The following LPA variants were observed in gnomAD, a reference collection of about 807,000 sequenced individuals.
LPA encodes apolipoprotein(a).
A neutral mutation model predicts 197.9 loss-of-function variants in LPA; 199 were observed. That is an observed-to-expected ratio of 1.01 (90% CI 0.90 to 1.13). LPA has a LOEUF of 1.13. Among genes scored for constraint, LPA ranks in the 50% most tolerant of loss-of-function variants. The pLI, the probability that LPA is intolerant of heterozygous loss-of-function variation, is 0.00. For missense variants in LPA, 1,853 were observed against 1,785.8 expected (o/e 1.04, Z -0.68); for synonymous variants, 715 against 639.5 (o/e 1.12, Z -1.78).
intron 2 of LPA, among the ~76,000 whole-genome samples, chr6:160,647,646 A>T (rs752233093): frequency 2.0e-5 from 3 of 152,128 alleles, no homozygotes; most frequent in Non-Finnish European, 4.4e-5. Flanking sequence ...TTGCTCTAGG[A>T]TTTGCAATAT....
intron 32 of LPA, among the ~76,000 whole-genome samples, chr6:160,547,518 G>C (rs1023516995): frequency 2.6e-5 from 4 of 152,136 alleles, no homozygotes; most frequent in African/African-American, 4.8e-5. Flanking sequence ...ACCAGTACCA[G>C]TACTGGAGTG....
At chr6:160,601,857 C>A (rs1779247899) in intron 18 of LPA, among the ~76,000 whole-genome samples, 1 of 152,094 alleles carries the variant, frequency 6.6e-6, no homozygotes, top group African/African-American at 2.4e-5. Context: ...AATTCCGGGA[C>A]TGAGGGAATG....
chr6:160,531,681 C>A lies in LPA; in HGVS notation c.*48G>T. On this transcript the variant is annotated 3_prime_UTR_variant, in exon 39 of 39. Transcript: ENST00000316300. The stretch of plus-strand genomic sequence containing the variant: ...TTCCAGCATGCTAAATCCTTACCCA[C>A]GTTTCAGCTTCTAAGTAGGTTGATG... 6.2e-7 allele frequency: 1 copy of A among 1,607,854 alleles called. No homozygotes were observed. The highest frequency in any genetic ancestry group is 8.5e-7 in the Non-Finnish European group (1 of 1,174,456).
At chr6:160,604,013 A>G (rs1002530254) in intron 18 of LPA, among the ~76,000 whole-genome samples, 3 of 152,144 alleles carry the variant, frequency 2.0e-5, no homozygotes, top group African/African-American at 7.2e-5. Flanking sequence ...CGCAGTTGCT[A>G]TTCCTCAGGA....
In LPA at chr6:160,577,203, T is replaced by A; in HGVS notation, c.4564A>T (p.Thr1522Ser). The change falls in exon 28 of 39, where the codon ACC becomes TCC. Residue 1522 changes from threonine (T) to serine (S), a missense_variant. By Grantham distance (58) the Thr-to-Ser change is moderately conservative. Around this residue, in one of 3 missense-constraint regions of LPA, gnomAD observed 1,737 missense variants for 1,504.4 expected, o/e 1.15. Transcript: ENST00000316300. ...GISSTTVTGR[T>S]CQSWSSMIPH... ...ATCATAGATGACCAAGATTGACAGG[T>A]CCTTCCTGTGACAGTGGTGGAGGAT... 6.2e-7 allele frequency: 1 copy of A among 1,613,844 alleles called. No homozygotes were observed. The highest frequency in any genetic ancestry group is 8.5e-7 in the Non-Finnish European group (1 of 1,179,828).
chr6:160,532,007 A>G, intron 38 of LPA, 117 bp from the exon 39 acceptor site: 1 of 1,159,556 alleles, frequency 8.6e-7, no homozygotes, highest in Non-Finnish European at 1.3e-6. Context: ...TCAGAAAGGA[A>G]CTTATGAGCA....
At chr6:160,547,965 A>G (rs1190509809) in intron 31 of LPA, 28 bp from the exon 32 acceptor site, 1 of 1,612,978 alleles carries the variant, frequency 6.2e-7, no homozygotes, top group Admixed American at 1.7e-5. Context: ...AATAAAACAG[A>G]TGATTACAGA....
At chr6:160,586,304 G>A in intron 25 of LPA, 145 bp downstream of exon 25, 3 of 905,420 alleles carry the variant, frequency 3.3e-6, no homozygotes, top group East Asian at 2.6e-5. Context: ...CCCAGAGAAG[G>A]CACTGAAGCT....
chr6:160,659,333 A>G (rs1404738139), intron 1 of LPA, among the ~76,000 whole-genome samples: 2 of 152,046 alleles, frequency 1.3e-5, no homozygotes, highest in African/African-American at 4.8e-5. Flanking sequence ...TTCCTTCCCT[A>G]GTCCAAGTAC....
intron 28 of LPA, among the ~76,000 whole-genome samples, chr6:160,562,118 G>C (rs537796830): frequency 1.3e-5 from 2 of 152,278 alleles, no homozygotes; most frequent in South Asian, 4.1e-4. Flanking sequence ...AATAGGAGTG[G>C]TGAGAGAGGG....
At chr6:160,631,970 TGTGA>T (rs1284399649) in intron 8 of LPA, among the ~76,000 whole-genome samples, 3,541 of 144,420 alleles carry the variant, frequency 0.025, no homozygotes, top group African/African-American at 0.09. Flanking sequence ...TCTGCGTGTG[TGTGA>T]GTATGGGTGT....
intron 27 of LPA, among the ~76,000 whole-genome samples, 182 bp downstream of exon 27, chr6:160,578,341 C>T (rs1459222552): frequency 6.6e-6 from 1 of 152,058 alleles, no homozygotes; most frequent in Non-Finnish European, 1.5e-5. Flanking sequence ...CCTAAAGACA[C>T]TGCCTCCTCA....
intron 19 of LPA, 84 bp from the exon 20 acceptor site, chr6:160,599,743 A>G (rs1274880120): frequency 6.9e-7 from 1 of 1,439,654 alleles, no homozygotes; most frequent in East Asian, 2.3e-5. Context: ...AAACCAAAAA[A>G]GAGTCACTGA....
At chr6:160,539,338 G>T (rs112801858) in intron 36 of LPA, among the ~76,000 whole-genome samples, 2,728 of 152,174 alleles carry the variant, frequency 0.018, 86 homozygotes, top group African/African-American at 0.062. Flanking sequence ...GTAAGCAAAG[G>T]TATCACTTTG....
rs67979615 is a variant in LPA, at chr6:160,587,751, T to TTGTGTG, written c.3948-1127_3948-1122dup. Among the ~76,000 whole-genome samples, 455 of 125,432 alleles carry TTGTGTG rather than the reference T, an allele frequency of 3.6e-3. 3 individuals are homozygous for TTGTGTG. Among genetic ancestry groups the TTGTGTG allele is most frequent in the Middle Eastern group, 8.3e-3 (2 of 240 alleles). 82.3% of individuals were successfully genotyped at this position (125,432 alleles called of 152,430 possible). ...CTCTGTTGATTAATAGGTTCAGTCT[T>TTGTGTG]TGTGTGTGTGTGTGTGTGTGTGTGT... On this transcript the variant is annotated intron_variant, in intron 24 of 38. Transcript: ENST00000316300.
chr6:160,588,504 T>C (rs1778959773), intron 24 of LPA, among the ~76,000 whole-genome samples: 1 of 152,188 alleles, frequency 6.6e-6, no homozygotes, highest in Admixed American at 6.5e-5. Flanking sequence ...GCATCTCCAT[T>C]GAGCTTACTG....
intron 22 of LPA, 142 bp downstream of exon 22, chr6:160,593,816 T>C: frequency 1.9e-6 from 2 of 1,046,500 alleles, no homozygotes; most frequent in Non-Finnish European, 1.5e-6. Context: ...ACACTGTGCC[T>C]GAAGAAAGAA....
intron 16 of LPA, among the ~76,000 whole-genome samples, chr6:160,609,166 CT>C (rs1442577297): frequency 6.6e-6 from 1 of 152,030 alleles, no homozygotes; most frequent in Non-Finnish European, 1.5e-5. Flanking sequence ...ATACCTAATT[CT>C]TTCGGGTCAC....
intron 17 of LPA, among the ~76,000 whole-genome samples, chr6:160,605,545 T>G (rs1779331375): frequency 1.3e-5 from 2 of 152,222 alleles, no homozygotes; most frequent in South Asian, 4.1e-4. Flanking sequence ...GAATTTCTAC[T>G]GAATGTTCAT....
Sources: allele counts gnomAD v4.1 joint callset (sites outside exome capture counted in the v4.1 genomes callset), GRCh38; gene constraint gnomAD v4.1.1; regional missense constraint gnomAD v4.1.1; transcripts MANE v1.5; gene names NCBI Gene and HGNC (gene_info 2026-07-23, HGNC 2026-07-21).